GLIS3: variants seen among roughly 807,000 people sequenced by gnomAD.
GLIS3 encodes zinc finger protein GLIS3.
Under a neutral mutation model 78.6 loss-of-function variants are expected in GLIS3, and 53 were observed. The observed-to-expected ratio is 0.67, with a 90% CI of 0.54 to 0.85. GLIS3 has a LOEUF of 0.85. Among genes scored for constraint, GLIS3 ranks in the 40% least tolerant of loss-of-function variants. The pLI is 0.00. For missense variants in GLIS3, 1,703 were observed against 1,231.1 expected (o/e 1.38, Z -5.74); for synonymous variants, 684 against 509.9 (o/e 1.34, Z -4.60).
intron 2 of GLIS3, among the ~76,000 whole-genome samples, chr9:4,197,403 G>C (rs1818967292): frequency 6.6e-6 from 1 of 152,222 alleles, no homozygotes; most frequent in African/African-American, 2.4e-5. Context: ...TACACAGGTA[G>C]ATCTTTGAGC....
intron 4 of GLIS3, among the ~76,000 whole-genome samples, chr9:4,103,834 G>T (rs1346381782): frequency 6.6e-6 from 1 of 152,146 alleles, no homozygotes; most frequent in African/African-American, 2.4e-5. Context: ...TATATTGATG[G>T]CAGGCTAACT....
chr9:4,412,789 A>G, the GLIS3 span, among the ~76,000 whole-genome samples: 2 of 152,184 alleles, frequency 1.3e-5, no homozygotes, highest in Admixed American at 6.5e-5. Context: ...ATGGTCAAAA[A>G]TGAATGTGCC....
At chr9:4,060,876 A>T (rs1826588543) in intron 4 of GLIS3, among the ~76,000 whole-genome samples, 1 of 152,178 alleles carries the variant, frequency 6.6e-6, no homozygotes, top group South Asian at 2.1e-4. Flanking sequence ...AGGAATCAAA[A>T]TTCTCAACTC....
rs1362713648 is a variant in GLIS3 at position 4,118,614 on chromosome 9, G to C, written c.864C>G (p.His288Gln). Reference sequence around the variant, plus strand: ...GGGCCGAGTGGGACCTGGTGGATGAGTGCCGAGGACTAGGGTAAGGAGAGT... The same window carrying C: ...GGGCCGAGTGGGACCTGGTGGATGACTGCCGAGGACTAGGGTAAGGAGAGT... ...SSHSPYPSPR[H>Q]SSTRSHSARS... Residue 288 changes from histidine to glutamine, a missense_variant, in exon 4 of 11, where the codon CAC (histidine) becomes CAG (glutamine). Physicochemically the swap from His to Gln is conservative, Grantham distance 24. Coordinates refer to ENST00000381971, the MANE Select transcript of GLIS3 (RefSeq NM_001042413.2). The surrounding 1 kb of genome is among the most constrained non-coding windows in gnomAD (Gnocchi z 4.7). The C allele has an allele frequency of 1.2e-6, 2 of 1,614,234 alleles. No individual in the cohort carries two copies. The highest frequency in any genetic ancestry group is 2.2e-5 in the East Asian group (1 of 44,876).
intron 2 of GLIS3, among the ~76,000 whole-genome samples, chr9:4,246,962 T>C (rs1348625336): frequency 1.3e-5 from 2 of 152,256 alleles, no homozygotes; most frequent in East Asian, 3.8e-4. Context: ...TCACAGCTAG[T>C]TTGATTTAAG....
chr9:4,419,984 T>G, the GLIS3 span, among the ~76,000 whole-genome samples: 5 of 152,164 alleles, frequency 3.3e-5, no homozygotes, highest in African/African-American at 1.2e-4. Flanking sequence ...TTACCCAGGT[T>G]GAGCACCGTC....
rs1220761499 is a variant in GLIS3 at position 3,977,554 on chromosome 9, C to T, written c.1711-40365G>A. On this transcript the variant is annotated intron_variant, in intron 4 of 10. Transcript: ENST00000381971. This position sits in a 1 kb window ranked among gnomAD's most constrained non-coding sequence, Gnocchi z 4.1. ...ATCAAAACAGCAGATATATACCCTG[C>T]TCAGATGTGCTGTATGGGATGTGAG... is the stretch of plus-strand genomic sequence containing the variant. 6.6e-6 allele frequency among the ~76,000 whole-genome samples: 1 copy of T among 152,130 alleles called. No homozygotes were observed. Among genetic ancestry groups the T allele is most frequent in the Non-Finnish European group, 1.5e-5 (1 of 68,020 alleles).
At chr9:3,965,382 G>T (rs188155293) in intron 4 of GLIS3, among the ~76,000 whole-genome samples, 114 of 151,648 alleles carry the variant, frequency 7.5e-4, no homozygotes, top group Middle Eastern at 3.4e-3. Context: ...TTAGTAGAGA[G>T]GGGGTTTCAC....
chr9:3,991,974 G>A (rs1028460742), intron 4 of GLIS3, among the ~76,000 whole-genome samples: 7 of 152,280 alleles, frequency 4.6e-5, no homozygotes, highest in South Asian at 2.1e-4. Context: ...ACAGGCATGA[G>A]CCACCCTGCC....
intron 4 of GLIS3, among the ~76,000 whole-genome samples, chr9:4,074,274 T>C (rs1274837761): frequency 6.6e-6 from 1 of 152,220 alleles, no homozygotes; most frequent in Non-Finnish European, 1.5e-5. Context: ...GCACCCAACC[T>C]AAGCCATGAC....
Position 4,201,472 on chromosome 9 carries a change from G to A in GLIS3, c.389-75531C>T, listed in dbSNP as rs536171059. 6.6e-5 allele frequency among the ~76,000 whole-genome samples: 10 copies of A among 152,186 alleles called. No homozygotes were observed. The South Asian group carries it at 1.2e-3, about 19-fold the overall frequency. ...CCAAAGGCTCCTAGAACTGATAAACGACTTCAGTGAAGTTTCAGGATACAA... is the reference window on the plus strand; with the variant it reads ...CCAAAGGCTCCTAGAACTGATAAACAACTTCAGTGAAGTTTCAGGATACAA... On this transcript the variant is annotated intron_variant, in intron 2 of 10. Transcript: ENST00000381971.
chr9:4,048,545 A>T (rs1825444513), intron 4 of GLIS3, among the ~76,000 whole-genome samples: 1 of 152,172 alleles, frequency 6.6e-6, no homozygotes, highest in Admixed American at 6.5e-5. Flanking sequence ...ATGGTATTCA[A>T]CTGTGTGCTT....
intron 2 of GLIS3, among the ~76,000 whole-genome samples, chr9:4,263,107 C>T (rs1053467966): frequency 6.6e-6 from 1 of 152,176 alleles, no homozygotes; most frequent in African/African-American, 2.4e-5. Flanking sequence ...GTAACCCACA[C>T]TGAAATGGCC....
chr9:4,005,168 T>C (rs891941702), intron 4 of GLIS3, among the ~76,000 whole-genome samples: 2 of 152,210 alleles, frequency 1.3e-5, no homozygotes, highest in African/African-American at 2.4e-5. Context: ...GAAATAACTG[T>C]TGTAAGAGAG....
At chr9:4,264,331 C>T (rs576145174) in intron 2 of GLIS3, among the ~76,000 whole-genome samples, 40 of 152,336 alleles carry the variant, frequency 2.6e-4, no homozygotes, top group African/African-American at 8.7e-4. Context: ...CTAGTCCCAG[C>T]GACCATCTCT....
At chr9:4,459,322 A>G in the GLIS3 span, among the ~76,000 whole-genome samples, 1 of 152,234 alleles carries the variant, frequency 6.6e-6, no homozygotes. Flanking sequence ...TAGATAGAGG[A>G]TACAGGAGGT....
intron 2 of GLIS3, among the ~76,000 whole-genome samples, chr9:4,167,373 C>A (rs1293672398): frequency 2.6e-5 from 4 of 152,014 alleles, no homozygotes; most frequent in Non-Finnish European, 5.9e-5. Flanking sequence ...GCTCAGAGGA[C>A]AAACAGGAAA....
At chr9:3,902,093 C>T (rs571077139) in intron 6 of GLIS3, among the ~76,000 whole-genome samples, 15 of 152,304 alleles carry the variant, frequency 9.8e-5, no homozygotes, top group African/African-American at 3.6e-4. Context: ...CAAAGACGGG[C>T]AATTCTTTCT....
At chr9:4,265,373 A>T (rs1252131429) in intron 2 of GLIS3, among the ~76,000 whole-genome samples, 1 of 151,356 alleles carries the variant, frequency 6.6e-6, no homozygotes, top group Non-Finnish European at 1.5e-5. Context: ...CCAGGTTTCT[A>T]TGAGGTAGGT....
Sources: allele counts gnomAD v4.1 joint callset (sites outside exome capture counted in the v4.1 genomes callset), GRCh38; gene constraint gnomAD v4.1.1; non-coding constraint Gnocchi (gnomAD v3.1); transcripts MANE v1.5; gene names NCBI Gene and HGNC (gene_info 2026-07-23, HGNC 2026-07-21).